EPB41L4B: variants seen among roughly 807,000 people sequenced by gnomAD.
The protein encoded by EPB41L4B is erythrocyte membrane protein band 4.1 like 4B, also known as band 4.1-like protein 4B.
EPB41L4B carries 30 observed loss-of-function variants against 112.5 expected under a neutral mutation model. That is an observed-to-expected ratio of 0.27 (90% CI 0.20 to 0.36). The LOEUF (loss-of-function observed/expected upper bound fraction) is 0.36. Among genes scored for constraint, EPB41L4B ranks in the 10% least tolerant of loss-of-function variants. EPB41L4B has a pLI of 1.00. For synonymous variants in EPB41L4B, 408 were observed against 439.7 expected (o/e 0.93, Z 0.90); for missense variants, 1,024 against 1,133.3 (o/e 0.90, Z 1.38).
intron 6 of EPB41L4B, among the ~76,000 whole-genome samples, chr9:109,262,485 C>A (rs1267296578): frequency 7.0e-6 from 1 of 142,820 alleles, no homozygotes; most frequent in African/African-American, 2.6e-5. Context: ...GTGTGCAAAC[C>A]CCTGCCCTAG....
At chr9:109,275,317 C>A (rs1281786620) in intron 2 of EPB41L4B, among the ~76,000 whole-genome samples, 1 of 152,164 alleles carries the variant, frequency 6.6e-6, no homozygotes, top group Non-Finnish European at 1.5e-5. Context: ...TTGAAGGAGG[C>A]TCAATTATGG....
chr9:109,236,418 TAA>T (rs35103664), intron 15 of EPB41L4B, among the ~76,000 whole-genome samples: 4 of 140,712 alleles, frequency 2.8e-5, no homozygotes, highest in Admixed American at 7.2e-5. Flanking sequence ...TATGCCTATT[TAA>T]AAAAAAAAAA....
intron 2 of EPB41L4B, among the ~76,000 whole-genome samples, chr9:109,271,331 A>G (rs1053402387): frequency 7.2e-5 from 11 of 152,242 alleles, no homozygotes; most frequent in Non-Finnish European, 1.5e-4. Context: ...GAAGCCGAGA[A>G]TGGAATCAGA....
chr9:109,264,877 A>T, intron 5 of EPB41L4B, 103 bp downstream of exon 5: 1 of 1,090,574 alleles, frequency 9.2e-7, no homozygotes, highest in Non-Finnish European at 1.3e-6. Flanking sequence ...ACTTTTTTTG[A>T]ATTTTGAAAA....
At chr9:109,226,634 A>AATATAT (rs879781420) in intron 15 of EPB41L4B, among the ~76,000 whole-genome samples, 1 of 117,058 alleles carries the variant, frequency 8.5e-6, no homozygotes, top group African/African-American at 3.4e-5. Flanking sequence ...ATATATGAAG[A>AATATAT]ATATATATAT....
chr9:109,243,745 CTT>C (rs1834438081), intron 14 of EPB41L4B, 63 bp from the exon 15 acceptor site: 1 of 1,539,190 alleles, frequency 6.5e-7, no homozygotes, highest in African/African-American at 1.4e-5. Flanking sequence ...TCCTCATTCG[CTT>C]TGTCTGTTCC....
At chr9:109,218,455 A>G (rs1472949888) in intron 15 of EPB41L4B, among the ~76,000 whole-genome samples, 2 of 152,080 alleles carry the variant, frequency 1.3e-5, no homozygotes, top group African/African-American at 4.8e-5. Flanking sequence ...CCACTTTAAG[A>G]CAGAAACCCC....
At chr9:109,193,710 C>A (rs977047842) in intron 21 of EPB41L4B, among the ~76,000 whole-genome samples, 3 of 152,362 alleles carry the variant, frequency 2.0e-5, no homozygotes, top group Non-Finnish European at 4.4e-5. Context: ...AGAGAAACAT[C>A]TTGTGTAAAG....
intron 25 of EPB41L4B, among the ~76,000 whole-genome samples, chr9:109,175,468 A>C (rs1332541232): frequency 7.7e-6 from 1 of 129,306 alleles, no homozygotes; most frequent in Non-Finnish European, 1.6e-5. Context: ...CCACTGTTTA[A>C]ACACACACAC....
intron 17 of EPB41L4B, among the ~76,000 whole-genome samples, chr9:109,210,551 G>A (rs1347288785): frequency 3.3e-5 from 5 of 152,176 alleles, no homozygotes; most frequent in Non-Finnish European, 5.9e-5. Flanking sequence ...TTTTCCCCTT[G>A]AATTTACTAA....
chr9:109,318,900 G>A (rs149991631), intron 1 of EPB41L4B, among the ~76,000 whole-genome samples: 2 of 152,296 alleles, frequency 1.3e-5, no homozygotes, highest in Admixed American at 6.5e-5. Flanking sequence ...ACCGGGAAGC[G>A]TTAAACTCCA....
At chr9:109,251,096 C>A (rs1328209392) in intron 13 of EPB41L4B, among the ~76,000 whole-genome samples, 2 of 152,262 alleles carry the variant, frequency 1.3e-5, no homozygotes, top group South Asian at 4.1e-4. Flanking sequence ...AAAACCTGCA[C>A]GTCACTGAGC....
rs746524501 is a variant in EPB41L4B at position 109,207,958 on chromosome 9, G to C, written c.1844C>G (p.Ala615Gly). 1 of 1,614,102 alleles carries C rather than the reference G, an allele frequency of 6.2e-7. No individual in the cohort carries two copies. Among genetic ancestry groups the C allele is most frequent in the East Asian group, 2.2e-5 (1 of 44,878 alleles). ...ADHVKCNILKAQLENASRVNI... is the reference protein window; with the variant it reads ...ADHVKCNILKGQLENASRVNI... ...CACTCGGGAAGCATTTTCCAACTGG[G>C]CTTTCAGAATGTTACACTTCACATG... is the stretch of plus-strand genomic sequence containing the variant. Residue 615 changes from alanine to glycine, a missense_variant, in exon 18 of 26, where the codon GCC (alanine) becomes GGC (glycine). Physicochemically the swap from Ala to Gly is moderately conservative, Grantham distance 60 (BLOSUM62 0). Transcript: ENST00000374566.
At chr9:109,193,815 G>A (rs59525430) in intron 21 of EPB41L4B, among the ~76,000 whole-genome samples, 2,335 of 152,194 alleles carry the variant, frequency 0.015, 54 homozygotes, top group African/African-American at 0.048. Flanking sequence ...ACTAACACCG[G>A]CTATATGACA....
intron 6 of EPB41L4B, among the ~76,000 whole-genome samples, chr9:109,260,856 G>GT (rs1835175388): frequency 6.6e-6 from 1 of 152,206 alleles, no homozygotes; most frequent in Admixed American, 6.5e-5. Flanking sequence ...ACTCTGTTAA[G>GT]TGTGGTGAGG....
Position 109,209,517 on chromosome 9 carries a change from A to G in EPB41L4B, c.1753-1468T>C, listed in dbSNP as rs548910763. On this transcript the variant is annotated intron_variant, in intron 17 of 25. Transcript: ENST00000374566. ...CTCTACTAAAAATAGAAAAATTAAG[A>G]GGGCGTGGTGGCCCTCACCTATAAT... Among the ~76,000 whole-genome samples, 64 of 151,916 alleles carry G rather than the reference A, an allele frequency of 4.2e-4. 1 individual carries two copies. The South Asian group carries it at 1.0e-2, about 24-fold the overall frequency.
rs60474398 is a variant in EPB41L4B at position 109,199,469 on chromosome 9, G to A, written c.2045+767C>T. On this transcript the variant is annotated intron_variant, in intron 20 of 25. Transcript: ENST00000374566. ...AGATTACTTGAGGTCAGGAGTTCTAGACCAGCCTGGCCAACATGGTGAAAC... is the reference window on the plus strand; with the variant it reads ...AGATTACTTGAGGTCAGGAGTTCTAAACCAGCCTGGCCAACATGGTGAAAC... 7.9e-5 allele frequency among the ~76,000 whole-genome samples: 12 copies of A among 152,176 alleles called. No homozygotes were observed. The East Asian group carries it at 2.3e-3, about 29-fold the overall frequency.
At chr9:109,177,259 C>A (rs1168632490) in intron 24 of EPB41L4B, among the ~76,000 whole-genome samples, 1 of 152,130 alleles carries the variant, frequency 6.6e-6, no homozygotes. Flanking sequence ...AGACTAGCAG[C>A]ATCAGCATTA....
chr9:109,187,954 G>A (rs556463629), intron 22 of EPB41L4B, among the ~76,000 whole-genome samples: 8 of 152,310 alleles, frequency 5.3e-5, no homozygotes, highest in East Asian at 3.9e-4. Flanking sequence ...CTGTTGTTAC[G>A]TGAGAAGGAA....
Sources: allele counts gnomAD v4.1 joint callset (sites outside exome capture counted in the v4.1 genomes callset), GRCh38; gene constraint gnomAD v4.1.1; transcripts MANE v1.5; gene names NCBI Gene and HGNC (gene_info 2026-07-23, HGNC 2026-07-21).